RNF20: variants seen among roughly 807,000 people sequenced by gnomAD.
RNF20 encodes ring finger protein 20.
In RNF20, 84 loss-of-function variants were observed where a neutral mutation model predicts 126.2. The observed-to-expected ratio is 0.67, with a 90% CI of 0.56 to 0.80. The LOEUF is 0.80. RNF20 is among the 30% of genes least tolerant of loss of function. The pLI, the probability that RNF20 is intolerant of heterozygous loss-of-function variation, is 0.00. For synonymous variants in RNF20, 400 were observed against 414.3 expected (o/e 0.97, Z 0.42); for missense variants, 869 against 1,188.2 (o/e 0.73, Z 3.95).
At chr9:101,559,210 T>A (rs1366402180) in intron 16 of RNF20, among the ~76,000 whole-genome samples, 1 of 152,108 alleles carries the variant, frequency 6.6e-6, no homozygotes, top group African/African-American at 2.4e-5. Context: ...GTTGACTACG[T>A]ATTTGGCTTT....
At chr9:101,544,088 A>G (rs1377525766) in intron 5 of RNF20, among the ~76,000 whole-genome samples, 1 of 152,192 alleles carries the variant, frequency 6.6e-6, no homozygotes, top group Non-Finnish European at 1.5e-5. Flanking sequence ...ATCTGGTTTC[A>G]TTTAATTACA....
chr9:101,557,875 A>G (rs915048788), intron 16 of RNF20, among the ~76,000 whole-genome samples: 11 of 152,098 alleles, frequency 7.2e-5, no homozygotes, highest in Non-Finnish European at 1.0e-4. Flanking sequence ...GCGTTAAAGT[A>G]TATGTTTACT....
chr9:101,559,842 A>C (rs1203655029), intron 16 of RNF20, among the ~76,000 whole-genome samples: 3 of 152,178 alleles, frequency 2.0e-5, no homozygotes, highest in Non-Finnish European at 1.5e-5. Flanking sequence ...TAATGTAATC[A>C]GCAAACAGTG....
At chr9:101,534,646 A>G (rs1313908580) in intron 1 of RNF20, among the ~76,000 whole-genome samples, 1 of 152,194 alleles carries the variant, frequency 6.6e-6, no homozygotes, top group Non-Finnish European at 1.5e-5. Context: ...TGAGGCTTAG[A>G]GATGATAACT....
intron 16 of RNF20, among the ~76,000 whole-genome samples, chr9:101,558,924 A>G (rs1482942865): frequency 1.3e-5 from 2 of 151,690 alleles, no homozygotes; most frequent in African/African-American, 4.8e-5. Context: ...TCTATTTATC[A>G]TTTCTTTTGT....
intron 11 of RNF20, 120 bp downstream of exon 11, chr9:101,551,939 C>T (rs1459982385): frequency 7.6e-7 from 1 of 1,311,974 alleles, no homozygotes; most frequent in South Asian, 1.5e-5. Context: ...TACCTTAAAT[C>T]CTATAATTCA....
Position 101,552,121 on chromosome 9 carries a change from T to C in RNF20, c.1409-20T>C, listed in dbSNP as rs768414037. On this transcript the variant is annotated intron_variant, in intron 11 of 19. Coordinates refer to ENST00000389120, the MANE Select transcript of RNF20 (RefSeq NM_019592.7). ...GCCCTTACCACGGTTCCTCATAACA[T>C]TGTTGTTCCTGTATTTAAGGCCCTA... 1.9e-6 allele frequency: 3 copies of C among 1,613,868 alleles called. No individual in the cohort carries two copies. In the African/African-American group the frequency reaches 4.0e-5, roughly 22 times the overall value.
At position 101,549,081 on chromosome 9, in the gene RNF20, C is replaced by T. The variant is rs569770282; in HGVS notation, c.1093-1525C>T. On this transcript the variant is annotated intron_variant, in intron 9 of 19. Coordinates refer to ENST00000389120, the MANE Select transcript of RNF20 (RefSeq NM_019592.7). ...GTGGGTCTCTCCCTGTGTGCGGAGA[C>T]GAGAGAGTGTAGAAATAAAGACACA... Among the ~76,000 whole-genome samples the T allele has an allele frequency of 9.2e-5, 14 of 152,150 alleles. No individual in the cohort carries two copies. The South Asian group carries it at 2.1e-3, about 23-fold the overall frequency.
intron 2 of RNF20, among the ~76,000 whole-genome samples, chr9:101,538,729 G>A (rs1827220130): frequency 6.6e-6 from 1 of 152,096 alleles, no homozygotes; most frequent in Admixed American, 6.5e-5. Flanking sequence ...TGGCATATTA[G>A]GAATGTTTTA....
intron 17 of RNF20, 52 bp from the exon 18 acceptor site, chr9:101,561,038 C>G: frequency 6.2e-7 from 1 of 1,603,736 alleles, no homozygotes. Flanking sequence ...TTTTGCCTCA[C>G]TGGCAATAAT....
At chr9:101,534,511 G>A (rs1264917001) in intron 1 of RNF20, among the ~76,000 whole-genome samples, 3 of 152,148 alleles carry the variant, frequency 2.0e-5, no homozygotes, top group African/African-American at 7.2e-5. Context: ...AAGAGCTGGG[G>A]TTTCTGAGTG....
intron 10 of RNF20, 67 bp from the exon 11 acceptor site, chr9:101,551,617 A>AT (rs1375256992): frequency 2.2e-6 from 3 of 1,386,340 alleles, no homozygotes; most frequent in African/African-American, 1.5e-5. Flanking sequence ...AGAGTAATCC[A>AT]TAGAATATGA....
intron 5 of RNF20, 100 bp from the exon 6 acceptor site, chr9:101,544,667 A>G (rs891426830): frequency 9.2e-6 from 7 of 764,620 alleles, no homozygotes; most frequent in Admixed American, 6.2e-5. Flanking sequence ...AGATCGCGCC[A>G]CTGTACTCCA....
At position 101,547,196 on chromosome 9, in the gene RNF20, C is replaced by T. The variant is rs1180358194; in HGVS notation, c.954C>T (p.Ile318=). The part of the protein sequence containing the change: ...GAGSSLYGGT[I]TINARKFEEM... ...GGAGCAGTCTGTATGGCGGCACAAT[C>T]ACTATCAATGCTCGGAAGGTAAAAT... Residue 318 remains isoleucine (I), a synonymous_variant, in exon 8 of 20, where the codon ATC becomes ATT. Coordinates refer to ENST00000389120, the MANE Select transcript of RNF20 (RefSeq NM_019592.7). The T allele has an allele frequency of 2.5e-6, 4 of 1,613,974 alleles. No homozygotes were observed. The African/African-American group carries it at 5.3e-5, about 22-fold the overall frequency.
chr9:101,561,985 C>A lies in RNF20; in HGVS notation c.2725C>A (p.Leu909Met), dbSNP rs772228228. The change falls in exon 19 of 20, where the codon CTG (leucine) becomes ATG (methionine). Residue 909 changes from leucine (L) to methionine (M), a missense_variant. Leu to Met is a conservative substitution (Grantham distance 15). Around this residue, in one of 8 missense-constraint regions of RNF20, gnomAD observed 150 missense variants for 173.7 expected, o/e 0.86. Transcript: ENST00000389120. ...CAATGTACCCAAGTGTGATGAGATT[C>A]TGATGGAAGAGATTAAGGATTACAA... ...PDNVPKCDEI[L>M]MEEIKDYKAR... The A allele has an allele frequency of 1.2e-6, 2 of 1,610,588 alleles. No individual in the cohort carries two copies. The highest frequency in any genetic ancestry group is 2.2e-5 in the South Asian group (2 of 90,168).
At chr9:101,543,137 G>A (rs1375734833) in intron 5 of RNF20, among the ~76,000 whole-genome samples, 1 of 152,198 alleles carries the variant, frequency 6.6e-6, no homozygotes. Context: ...TTGGAGTTGT[G>A]TTGTGTTTTA....
intron 5 of RNF20, among the ~76,000 whole-genome samples, chr9:101,541,367 CT>C (rs1827258097): frequency 2.0e-5 from 3 of 152,318 alleles, no homozygotes; most frequent in African/African-American, 7.2e-5. Flanking sequence ...TGTGCCTGGA[CT>C]ATATATTTTA....
rs1827648522 is a variant in RNF20, at chr9:101,562,841, GT to G, written c.*421del. 6.5e-6 allele frequency: 1 copy of G among 154,704 alleles called. No individual in the cohort carries two copies. The highest frequency in any genetic ancestry group is 2.4e-5 in the African/African-American group (1 of 41,504). 9.6% of individuals were successfully genotyped at this position (154,704 alleles called of 1,614,324 possible). On this transcript the variant is annotated 3_prime_UTR_variant, in exon 20 of 20. Coordinates refer to ENST00000389120, the MANE Select transcript of RNF20 (RefSeq NM_019592.7). ...TGGGGAGTGATATTTTAAAAAATAA[GT>G]TGTCTATGGGCACAAAGTTTTCTTC...
chr9:101,548,680 ATTTAC>A (rs1564109599), intron 9 of RNF20, among the ~76,000 whole-genome samples: 1 of 152,190 alleles, frequency 6.6e-6, no homozygotes, highest in African/African-American at 2.4e-5. Context: ...TTACTTACAT[ATTTAC>A]TTATTATATG....
Sources: allele counts gnomAD v4.1 joint callset (sites outside exome capture counted in the v4.1 genomes callset), GRCh38; gene constraint gnomAD v4.1.1; regional missense constraint gnomAD v4.1.1; transcripts MANE v1.5; gene names NCBI Gene and HGNC (gene_info 2026-07-23, HGNC 2026-07-21).